The following DMD variants were observed in gnomAD, a reference collection of about 807,000 sequenced individuals.
The protein encoded by DMD is dystrophin.
DMD carries 63 observed loss-of-function variants against 330.1 expected under a neutral mutation model. The ratio of observed to expected loss-of-function variants is 0.19; its 90% CI spans 0.16 to 0.24. DMD has a LOEUF of 0.24. Among genes scored for constraint, DMD ranks in the 10% least tolerant of loss-of-function variants. The pLI is 1.00. For missense variants in DMD, 3,344 were observed against 2,684.1 expected, an observed-to-expected ratio of 1.25 and a Z score of -5.43; for synonymous variants, 1,223 against 959.8, an observed-to-expected ratio of 1.27 and a Z score of -5.07.
Position 32,759,930 on chromosome X carries a change from A to C in DMD, c.649+49563T>G, listed in dbSNP as rs968785654. Among the ~76,000 whole-genome samples, 36 of 110,193 alleles carry C rather than the reference A, an allele frequency of 3.3e-4. 1 individual carries two copies. The highest frequency in any genetic ancestry group is 1.1e-3 in the African/African-American group (34 of 30,205). ...TCTAACAATTTTCCACTCAGAAAGTAGTCCCTCAGGAAATTATTAACTGTA... is the reference window on the plus strand; with the variant it reads ...TCTAACAATTTTCCACTCAGAAAGTCGTCCCTCAGGAAATTATTAACTGTA... On this transcript the variant is annotated intron_variant, in intron 7 of 78. Coordinates refer to ENST00000357033, the MANE Select transcript of DMD (RefSeq NM_004006.3).
intron 15 of DMD, among the ~76,000 whole-genome samples, chrX:32,566,156 G>T (rs998866403): frequency 4.5e-5 from 5 of 111,904 alleles, no homozygotes; most frequent in African/African-American, 1.3e-4. Context: ...AATATTTGAA[G>T]AAAATCCAAG....
chrX:32,758,427 T>C (rs937502134), intron 7 of DMD, among the ~76,000 whole-genome samples: 3 of 111,583 alleles, frequency 2.7e-5, no homozygotes, highest in South Asian at 3.8e-4. Context: ...GGTACCTCTC[T>C]ACAGGCTTGC....
intron 44 of DMD, among the ~76,000 whole-genome samples, chrX:32,162,241 C>G (rs778557981): frequency 1.8e-5 from 2 of 110,705 alleles, no homozygotes; most frequent in African/African-American, 3.3e-5. Flanking sequence ...AAGGAGGGAG[C>G]GCTACAGCTC....
rs780511535 is a variant in DMD, at chrX:32,902,824, C to T, written c.94-53004G>A. Among the ~76,000 whole-genome samples the T allele has an allele frequency of 4.7e-3, 516 of 110,024 alleles. 3 individuals carry two copies. Among genetic ancestry groups the T allele is most frequent in the Non-Finnish European group, 6.5e-3 (342 of 52,925 alleles). ...TTATAAATTGTATGGTGTCTATATA[C>T]GTGGGAAATTTTCTAAATTAAAAAC... On this transcript the variant is annotated intron_variant, in intron 2 of 78. Coordinates refer to ENST00000357033, the MANE Select transcript of DMD (RefSeq NM_004006.3).
At chrX:32,806,003 C>T (rs2076919093) in intron 7 of DMD, among the ~76,000 whole-genome samples, 2 of 111,848 alleles carry the variant, frequency 1.8e-5, no homozygotes, top group Admixed American at 9.5e-5. Flanking sequence ...ACACCATCGA[C>T]ACCATGAAGA....
chrX:32,514,492 AG>A (rs1937573883), intron 18 of DMD, among the ~76,000 whole-genome samples: 1 of 112,304 alleles, frequency 8.9e-6, no homozygotes, highest in Admixed American at 9.4e-5. Flanking sequence ...CTGTAATCCC[AG>A]CACTTTGGGA....
intron 44 of DMD, among the ~76,000 whole-genome samples, chrX:32,163,476 A>G (rs932274374): frequency 1.5e-4 from 17 of 112,219 alleles, no homozygotes; most frequent in African/African-American, 4.9e-4. Context: ...GTTGCTAGTG[A>G]TTCAGGAAGT....
chrX:32,768,833 G>C (rs2073287080), intron 7 of DMD, among the ~76,000 whole-genome samples: 1 of 111,760 alleles, frequency 8.9e-6, no homozygotes, highest in South Asian at 3.7e-4. Context: ...CCTTTCTCCA[G>C]CTTTTAAAGT....
At chrX:31,186,520 G>C (rs993233425) in intron 67 of DMD, among the ~76,000 whole-genome samples, 6 of 111,632 alleles carry the variant, frequency 5.4e-5, no homozygotes, top group African/African-American at 2.0e-4. Flanking sequence ...GGTGGGAGGA[G>C]GGAGAAGATC....
chrX:33,010,004 A>G lies in DMD; in HGVS notation c.93+10135T>C, dbSNP rs1284574309. ...CACATGTGTGTATATACACGTATGT[A>G]TGTGTATATACACATATGTGTGTAC... On this transcript the variant is annotated intron_variant, in intron 2 of 78. Transcript: ENST00000357033. Among the ~76,000 whole-genome samples the G allele has an allele frequency of 6.8e-5, 5 of 73,220 alleles. 2 individuals carry two copies. The highest frequency in any genetic ancestry group is 1.5e-4 in the African/African-American group (2 of 13,151). 63.6% of individuals were successfully genotyped at this position (73,220 alleles called of 115,157 possible).
chrX:31,502,140 T>C (rs1478659705), intron 56 of DMD, among the ~76,000 whole-genome samples: 5 of 111,652 alleles, frequency 4.5e-5, no homozygotes, highest in Non-Finnish European at 7.5e-5. Context: ...AAGACTTAAA[T>C]GTAAGACCTC....
chrX:33,258,145 C>A (rs1318154631), intron 1 of DMD, among the ~76,000 whole-genome samples: 1 of 111,075 alleles, frequency 9.0e-6, no homozygotes, highest in African/African-American at 3.3e-5. Flanking sequence ...AAGAACTGTA[C>A]AAAACACAAT....
intron 19 of DMD, 94 bp downstream of exon 19, chrX:32,501,661 C>G: frequency 6.4e-6 from 4 of 622,066 alleles, no homozygotes; most frequent in Non-Finnish European, 1.0e-5. Context: ...TTGTATTTAA[C>G]AAGTGCTTGT....
chrX:32,328,138 G>A (rs746775534), intron 41 of DMD, among the ~76,000 whole-genome samples: 7 of 111,059 alleles, frequency 6.3e-5, no homozygotes, highest in Non-Finnish European at 9.5e-5. Flanking sequence ...TAACATTAAC[G>A]CATTTTGTTA....
chrX:32,539,210 C>A (rs1407023516), intron 17 of DMD, among the ~76,000 whole-genome samples: 2 of 100,971 alleles, frequency 2.0e-5, no homozygotes, highest in African/African-American at 7.4e-5. Flanking sequence ...GTGTCTAAAG[C>A]GAAATTTGAA....
intron 7 of DMD, among the ~76,000 whole-genome samples, chrX:32,745,946 TAAAG>T (rs2069948042): frequency 8.9e-6 from 1 of 112,068 alleles, no homozygotes; most frequent in South Asian, 3.7e-4. Flanking sequence ...AGAGTAAAAA[TAAAG>T]AATAAAGCCA....
intron 2 of DMD, among the ~76,000 whole-genome samples, chrX:32,887,353 A>AT: frequency 9.1e-6 from 1 of 110,383 alleles, no homozygotes; most frequent in Non-Finnish European, 1.9e-5. Flanking sequence ...TCTCAAAAAA[A>AT]ATAAATAAAT....
intron 50 of DMD, among the ~76,000 whole-genome samples, chrX:31,779,727 A>G (rs2090910293): frequency 9.0e-6 from 1 of 110,548 alleles, no homozygotes; most frequent in Admixed American, 9.7e-5. Flanking sequence ...GTAAAGAGAG[A>G]CAGACAGAGA....
chrX:32,696,880 G>A (rs1216755603), intron 9 of DMD, among the ~76,000 whole-genome samples: 2 of 110,943 alleles, frequency 1.8e-5, no homozygotes, highest in African/African-American at 3.3e-5. Context: ...AGCCAAGGAT[G>A]GAGGTCATAA....
Sources: allele counts gnomAD v4.1 joint callset (sites outside exome capture counted in the v4.1 genomes callset), GRCh38; gene constraint gnomAD v4.1.1; transcripts MANE v1.5; gene names NCBI Gene and HGNC (gene_info 2026-07-23, HGNC 2026-07-21).